PCDHGA11: variants seen among roughly 807,000 people sequenced by gnomAD.
PCDHGA11 encodes the protein protocadherin gamma-A11.
A neutral mutation model predicts 60.4 loss-of-function variants in PCDHGA11; 39 were observed. The ratio of observed to expected loss-of-function variants is 0.65; its 90% CI spans 0.50 to 0.84. The LOEUF is 0.84. Among genes scored for constraint, PCDHGA11 ranks in the 40% least tolerant of loss-of-function variants. The probability of loss-of-function intolerance (pLI) is 0.00; values close to 1 mark genes in which losing one functional copy is unlikely to be tolerated. For missense variants in PCDHGA11, 1,165 were observed against 1,197.7 expected (o/e 0.97, Z 0.40); for synonymous variants, 533 against 510.3 (o/e 1.04, Z -0.60).
At position 141,431,555 on chromosome 5, in the gene PCDHGA11, G is replaced by A. The variant is rs2097394199; in HGVS notation, c.2433+7895G>A. On this transcript the variant is annotated intron_variant, in intron 1 of 3. Transcript: ENST00000398587. This position sits in a 1 kb window ranked among gnomAD's most constrained non-coding sequence, Gnocchi z 4.8. The stretch of plus-strand genomic sequence containing the variant: ...GGGCACGCAGCTGCTTGTAGTCAAC[G>A]CTACCGACCCTGACGAAGGAGTCAA... 1 of 1,614,014 alleles carries A rather than the reference G, an allele frequency of 6.2e-7. No individual in the cohort carries two copies. The highest frequency in any genetic ancestry group is 8.5e-7 in the Non-Finnish European group (1 of 1,180,032).
chr5:141,455,860 ATTAT>A (rs145569377), intron 1 of PCDHGA11, among the ~76,000 whole-genome samples: 54,169 of 139,612 alleles, frequency 0.39, 10,686 homozygotes, highest in Admixed American at 0.44. Context: ...AATTTCTTTT[ATTAT>A]TTATTTATTT....
intron 1 of PCDHGA11, among the ~76,000 whole-genome samples, chr5:141,482,592 C>T (rs187714622): frequency 1.0e-4 from 15 of 142,934 alleles, no homozygotes; most frequent in East Asian, 6.1e-4. Context: ...TGGGACCAAA[C>T]GGGAAAAAAC....
At chr5:141,443,790 T>A (rs1178101439) in intron 1 of PCDHGA11, among the ~76,000 whole-genome samples, 2 of 151,832 alleles carry the variant, frequency 1.3e-5, no homozygotes, top group Admixed American at 6.6e-5. Flanking sequence ...ACAAAAAAAA[T>A]GAAAAGGAAA....
chr5:141,452,748 A>G (rs2098748275), intron 1 of PCDHGA11, among the ~76,000 whole-genome samples: 1 of 152,058 alleles, frequency 6.6e-6, no homozygotes, highest in Admixed American at 6.6e-5. Flanking sequence ...GAGAGAAGGA[A>G]GAAGGAAGGG....
chr5:141,444,350 T>C (rs1021358194), intron 1 of PCDHGA11, among the ~76,000 whole-genome samples: 7 of 151,946 alleles, frequency 4.6e-5, no homozygotes, highest in Admixed American at 2.0e-4. Context: ...TTTGTATTTT[T>C]AGTAGAGACG....
At chr5:141,478,920 C>A (rs559060283) in intron 1 of PCDHGA11, 1 of 728,392 alleles carries the variant, frequency 1.4e-6, no homozygotes. Context: ...ATACCTCTAA[C>A]CAGTGGCAGC....
chr5:141,511,118 C>T lies in PCDHGA11; in HGVS notation c.2753C>T (p.Ala918Val), dbSNP rs1352222210. 1.2e-6 allele frequency: 2 copies of T among 1,614,094 alleles called. No individual in the cohort carries two copies. The highest frequency in any genetic ancestry group is 1.7e-6 in the Non-Finnish European group (2 of 1,180,022). The change falls in exon 4 of 4, where the codon GCC (alanine) becomes GTC (valine). Residue 918 changes from alanine to valine, a missense_variant. Coordinates refer to ENST00000398587, the MANE Select transcript of PCDHGA11 (RefSeq NM_018914.3). ...GCAGCTGGCAAGCGGGATGGCAAGG[C>T]CCCAGCAGGTGGCAATGGCAACAAG... is the stretch of plus-strand genomic sequence containing the variant. ...TNAAGKRDGK[A>V]PAGGNGNKKK... is the part of the protein sequence containing the mutation.
At chr5:141,423,754 GGGGGGGT>G in intron 1 of PCDHGA11, 94 bp downstream of exon 1, 1 of 577,826 alleles carries the variant, frequency 1.7e-6, no homozygotes, top group Non-Finnish European at 2.2e-6. Flanking sequence ...ACTGTTTGGG[GGGGGGGT>G]GGGGCGGCAT....
chr5:141,470,969 A>C (rs62379203), intron 1 of PCDHGA11, among the ~76,000 whole-genome samples: 16,337 of 151,332 alleles, frequency 0.11, 895 homozygotes, highest in South Asian at 0.15. Flanking sequence ...CTCCCACCTC[A>C]GCCTCCCAAA....
At position 141,511,199 on chromosome 5, in the gene PCDHGA11, G is replaced by C. The variant is rs1303066281; in HGVS notation, c.*26G>C. On this transcript the variant is annotated 3_prime_UTR_variant, in exon 4 of 4. Coordinates refer to ENST00000398587, the MANE Select transcript of PCDHGA11 (RefSeq NM_018914.3). The stretch of plus-strand genomic sequence containing the variant: ...CATGGAGGCCAGGCCAAGAGCCACA[G>C]GGCGGCCTCTCCCCAACCAGCCCAG... 6.2e-6 allele frequency: 10 copies of C among 1,612,868 alleles called. No individual in the cohort carries two copies. In the East Asian group the frequency reaches 2.2e-4, roughly 36 times the overall value.
Position 141,489,263 on chromosome 5 carries a change from A to G in PCDHGA11, c.2434-5544A>G. The G allele has an allele frequency of 6.4e-7, 1 of 1,552,104 alleles. No homozygotes were observed. Among genetic ancestry groups the G allele is most frequent in the South Asian group, 1.3e-5 (1 of 79,626 alleles). On this transcript the variant is annotated intron_variant, in intron 1 of 3. Transcript: ENST00000398587. This position sits in a 1 kb window ranked among gnomAD's most constrained non-coding sequence, Gnocchi z 4.5. ...GTCATGGGGCCCAAGACACTCCCAC[A>G]GCTCGCTGGGAAATGGCAAGTGCTG...
At chr5:141,483,761 GA>G (rs1376816525) in intron 1 of PCDHGA11, among the ~76,000 whole-genome samples, 1 of 152,118 alleles carries the variant, frequency 6.6e-6, no homozygotes, top group African/African-American at 2.4e-5. Flanking sequence ...TCGAGGCTTG[GA>G]AAAATATTGG....
chr5:141,480,250 A>T (rs2099515553), intron 1 of PCDHGA11, among the ~76,000 whole-genome samples: 2 of 151,988 alleles, frequency 1.3e-5, no homozygotes, highest in African/African-American at 4.8e-5. Context: ...CAAAAAAAAA[A>T]AAAAATGTGT....
intron 2 of PCDHGA11, among the ~76,000 whole-genome samples, chr5:141,500,806 T>C (rs2099802700): frequency 6.6e-6 from 1 of 152,240 alleles, no homozygotes; most frequent in Non-Finnish European, 1.5e-5. Context: ...AGTCCTCATA[T>C]GAATATACAT....
intron 1 of PCDHGA11, among the ~76,000 whole-genome samples, chr5:141,446,149 G>T (rs2098490670): frequency 6.6e-6 from 1 of 152,178 alleles, no homozygotes; most frequent in Non-Finnish European, 1.5e-5. Context: ...GGAATAGGTG[G>T]AATATAAATT....
At chr5:141,457,422 T>TC (rs1038085994) in intron 1 of PCDHGA11, among the ~76,000 whole-genome samples, 6 of 151,626 alleles carry the variant, frequency 4.0e-5, no homozygotes, top group African/African-American at 7.3e-5. Flanking sequence ...CATCCCTTTT[T>TC]CCCCCCCACC....
At position 141,486,169 on chromosome 5, in the gene PCDHGA11, A is replaced by G. The variant is rs2099625537; in HGVS notation, c.2434-8638A>G. The G allele has an allele frequency of 1.2e-6, 2 of 1,614,088 alleles. No individual in the cohort carries two copies. Among genetic ancestry groups the G allele is most frequent in the East Asian group, 2.2e-5 (1 of 44,890 alleles). On this transcript the variant is annotated intron_variant, in intron 1 of 3. Transcript: ENST00000398587. The surrounding 1 kb of genome is among the most constrained non-coding windows in gnomAD (Gnocchi z 5.0). ...ATGGGGGTTCTCCAGCCATGGAGCA[A>G]CATTGCAGCCTTCGAGTGGATCTGC...
rs765754054 is a variant in PCDHGA11 at position 141,503,598 on chromosome 5, CA to C, written c.2493-1779del. Among the ~76,000 whole-genome samples, 277 of 65,728 alleles carry C rather than the reference CA, an allele frequency of 4.2e-3. 2 individuals are homozygous for C. The highest frequency in any genetic ancestry group is 0.012 in the Middle Eastern group (1 of 86). The allele number at this position is 65,728 out of a possible 152,430, so 43.1% of individuals were successfully genotyped here. A position where few individuals can be genotyped will look rare whatever the true frequency, so the allele number is the denominator to read the frequency against. ...TGGGTGACAGAGCGAGACTCCAGCT[CA>C]AAAAAAAAAAAAAAAGAAAAAAGAA... On this transcript the variant is annotated intron_variant, in intron 2 of 3. Coordinates refer to ENST00000398587, the MANE Select transcript of PCDHGA11 (RefSeq NM_018914.3).
chr5:141,427,287 A>G (rs1030754713), intron 1 of PCDHGA11: 2 of 456,716 alleles, frequency 4.4e-6, no homozygotes, highest in African/African-American at 4.0e-5. Flanking sequence ...TATACTAGAA[A>G]TCCTAGATGA....
Sources: gnomAD v4.1 joint callset for allele counts (sites outside exome capture counted in the v4.1 genomes callset) on GRCh38, gnomAD v4.1.1 for gene constraint, Gnocchi (gnomAD v3.1) non-coding constraint, MANE v1.5 for transcripts, NCBI Gene and HGNC (gene_info 2026-07-23, HGNC 2026-07-21) for gene names.